Variants in NLGN1 observed in about 807,000 individuals in gnomAD.
The protein encoded by NLGN1 is neuroligin-1.
A neutral mutation model predicts 65.5 loss-of-function variants in NLGN1; 12 were observed. The observed-to-expected ratio is 0.18, with a 90% CI of 0.12 to 0.30. The LOEUF (loss-of-function observed/expected upper bound fraction) is 0.30, where lower values mean the gene tolerates loss of function less well. Among genes scored for constraint, NLGN1 ranks in the 10% least tolerant of loss-of-function variants. The pLI, the probability that NLGN1 is intolerant of heterozygous loss-of-function variation, is 1.00. For synonymous variants in NLGN1, 350 were observed against 359.5 expected (o/e 0.97, Z 0.30); for missense variants, 750 against 1,007.1 (o/e 0.74, Z 3.46).
chr3:173,472,823 C>T (rs957692036), intron 2 of NLGN1, among the ~76,000 whole-genome samples: 1 of 152,040 alleles, frequency 6.6e-6, no homozygotes, highest in Non-Finnish European at 1.5e-5. Flanking sequence ...ATTGTCTGTA[C>T]TATGTAAGGC....
intron 4 of NLGN1, among the ~76,000 whole-genome samples, chr3:174,091,887 G>A (rs776432874): frequency 5.9e-5 from 9 of 152,092 alleles, no homozygotes; most frequent in African/African-American, 1.9e-4. Flanking sequence ...CCCAAACATG[G>A]CCAAGTCCCA....
chr3:173,686,311 C>G (rs1382934470), intron 3 of NLGN1, among the ~76,000 whole-genome samples: 1 of 151,458 alleles, frequency 6.6e-6, no homozygotes, highest in Non-Finnish European at 1.5e-5. Context: ...ATAAAATTAC[C>G]CCAACTGTTT....
rs568484474 is a variant in NLGN1 at position 174,137,085 on chromosome 3, G to C, written c.647-138230G>C. ...TGTTGAATATCTCATGTAATTTATT[G>C]ACTACCGTGCTGAAAGTGAAAAACA... On this transcript the variant is annotated intron_variant, in intron 4 of 6. Coordinates refer to ENST00000457714, the Ensembl canonical transcript of NLGN1. 5.9e-5 allele frequency among the ~76,000 whole-genome samples: 9 copies of C among 152,156 alleles called. No individual in the cohort carries two copies. The South Asian group carries it at 1.9e-3, about 32-fold the overall frequency.
At chr3:174,146,551 T>TA (rs1189507601) in intron 4 of NLGN1, among the ~76,000 whole-genome samples, 1 of 151,994 alleles carries the variant, frequency 6.6e-6, no homozygotes, top group Non-Finnish European at 1.5e-5. Context: ...AAATTCTTTA[T>TA]AAAATATCTG....
intron 4 of NLGN1, among the ~76,000 whole-genome samples, chr3:173,932,233 T>G (rs1284487411): frequency 6.6e-6 from 1 of 152,184 alleles, no homozygotes; most frequent in African/African-American, 2.4e-5. Context: ...TCCACTGTGA[T>G]CAAGTTAAAA....
At chr3:173,546,046 A>G (rs1739765348) in intron 2 of NLGN1, among the ~76,000 whole-genome samples, 1 of 152,170 alleles carries the variant, frequency 6.6e-6, no homozygotes, top group Non-Finnish European at 1.5e-5. Context: ...ATACCTATGT[A>G]ACAAACCTCC....
chr3:173,474,667 G>T (rs1560305034), intron 2 of NLGN1, among the ~76,000 whole-genome samples: 1 of 152,030 alleles, frequency 6.6e-6, no homozygotes, highest in Non-Finnish European at 1.5e-5. Flanking sequence ...CTTAAGAAAT[G>T]GCAGAAGTTG....
At chr3:173,452,941 A>G (rs74680177) in intron 2 of NLGN1, among the ~76,000 whole-genome samples, 2,174 of 152,300 alleles carry the variant, frequency 0.014, 49 homozygotes, top group African/African-American at 0.05. Context: ...ACCTTAATTA[A>G]AAATATTTTA....
At chr3:174,077,580 G>A (rs894221171) in intron 4 of NLGN1, among the ~76,000 whole-genome samples, 2 of 149,626 alleles carry the variant, frequency 1.3e-5, no homozygotes, top group African/African-American at 2.5e-5. Flanking sequence ...TTTTTTTTGA[G>A]ATAGTCTCTC....
intron 2 of NLGN1, among the ~76,000 whole-genome samples, chr3:173,464,736 G>C (rs988406061): frequency 6.6e-6 from 1 of 152,036 alleles, no homozygotes; most frequent in African/African-American, 2.4e-5. Flanking sequence ...TACCTGGCTG[G>C]TATCAGTTAC....
chr3:173,718,358 A>G (rs947789099), intron 3 of NLGN1, among the ~76,000 whole-genome samples: 6 of 152,188 alleles, frequency 3.9e-5, no homozygotes, highest in African/African-American at 9.6e-5. Context: ...TGAAATATCA[A>G]TCTTTTTAGT....
At chr3:173,426,083 TG>T (rs1340679942) in intron 1 of NLGN1, among the ~76,000 whole-genome samples, 7 of 152,158 alleles carry the variant, frequency 4.6e-5, no homozygotes, top group African/African-American at 1.7e-4. Flanking sequence ...TTTATTTTTT[TG>T]TAACTATTAT....
intron 4 of NLGN1, among the ~76,000 whole-genome samples, chr3:174,012,324 G>A (rs1358472035): frequency 6.6e-6 from 1 of 152,096 alleles, no homozygotes; most frequent in East Asian, 1.9e-4. Context: ...TTCTTGAAGA[G>A]ATCCGTTTCT....
chr3:173,464,213 C>G (rs1386402626), intron 2 of NLGN1, among the ~76,000 whole-genome samples: 1 of 152,028 alleles, frequency 6.6e-6, no homozygotes, highest in African/African-American at 2.4e-5. Flanking sequence ...TGCATTATCT[C>G]TATCCACACA....
chr3:173,545,541 G>T (rs2861260), intron 2 of NLGN1, among the ~76,000 whole-genome samples: 62,391 of 151,958 alleles, frequency 0.41, 13,896 homozygotes, highest in East Asian at 0.8. Context: ...TAAACAGATT[G>T]GTTTTTTTAA....
At chr3:173,809,148 T>G (rs1004855519) in intron 4 of NLGN1, among the ~76,000 whole-genome samples, 15 of 152,248 alleles carry the variant, frequency 9.9e-5, no homozygotes, top group African/African-American at 3.6e-4. Context: ...CGAATACACA[T>G]GAGTTCCTCC....
At chr3:173,491,019 A>C (rs1264227089) in intron 2 of NLGN1, among the ~76,000 whole-genome samples, 1 of 151,858 alleles carries the variant, frequency 6.6e-6, no homozygotes, top group African/African-American at 2.4e-5. Flanking sequence ...TTTTCTAGAT[A>C]TACAATCATG....
At chr3:173,611,227 T>C (rs1211260464) in intron 3 of NLGN1, among the ~76,000 whole-genome samples, 1 of 152,046 alleles carries the variant, frequency 6.6e-6, no homozygotes, top group Non-Finnish European at 1.5e-5. Flanking sequence ...CTAGACATCA[T>C]GGCATATTAA....
intron 4 of NLGN1, among the ~76,000 whole-genome samples, chr3:174,017,867 G>A (rs988282492): frequency 5.9e-5 from 9 of 152,170 alleles, no homozygotes; most frequent in African/African-American, 1.9e-4. Flanking sequence ...TTTCGGGCAC[G>A]TGTTGTCATT....
Sources: gnomAD v4.1 joint callset for allele counts (sites outside exome capture counted in the v4.1 genomes callset) on GRCh38, gnomAD v4.1.1 for gene constraint, MANE v1.5 for transcripts, NCBI Gene and HGNC (gene_info 2026-07-23, HGNC 2026-07-21) for gene names.